DOCK1: variants seen among roughly 807,000 people sequenced by gnomAD.
The protein encoded by DOCK1 is dedicator of cytokinesis 1.
A neutral mutation model predicts 262.7 loss-of-function variants in DOCK1; 138 were observed. That is an observed-to-expected ratio of 0.53 (90% confidence interval 0.46 to 0.61). The LOEUF (loss-of-function observed/expected upper bound fraction) is 0.61, where lower values mean the gene tolerates loss of function less well. DOCK1 is among the 20% of genes least tolerant of loss of function. DOCK1 has a pLI of 0.00. For synonymous variants in DOCK1, 866 were observed against 867.4 expected, an observed-to-expected ratio of 1.00 and a Z score of 0.03; for missense variants, 1,908 against 2,370.7, an observed-to-expected ratio of 0.80 and a Z score of 4.05.
At chr10:127,386,441 C>G (rs1209446824) in intron 38 of DOCK1, among the ~76,000 whole-genome samples, 2 of 151,980 alleles carry the variant, frequency 1.3e-5, no homozygotes, top group African/African-American at 4.8e-5. Flanking sequence ...CAGCCGTTCC[C>G]CATCGCCCGC....
chr10:127,297,988 A>G (rs2061558978), intron 29 of DOCK1, among the ~76,000 whole-genome samples: 1 of 152,154 alleles, frequency 6.6e-6, no homozygotes. Flanking sequence ...AACAGTACCT[A>G]ATTAATCCCA....
At chr10:127,280,028 ATATATAAT>A (rs1260559152) in intron 29 of DOCK1, among the ~76,000 whole-genome samples, 118 of 141,620 alleles carry the variant, frequency 8.3e-4, no homozygotes, top group African/African-American at 2.9e-3. Flanking sequence ...ATATATATAT[ATATATAAT>A]TTTTTTTTTT....
chr10:127,002,673 TG>T (rs748746404), intron 10 of DOCK1, among the ~76,000 whole-genome samples: 1 of 152,226 alleles, frequency 6.6e-6, no homozygotes, highest in Non-Finnish European at 1.5e-5. Flanking sequence ...TCCTTGTTTC[TG>T]GAGCCCCTAC....
At chr10:127,019,025 GC>G in intron 13 of DOCK1, 190 bp downstream of exon 13, 1 of 875,162 alleles carries the variant, frequency 1.1e-6, no homozygotes, top group Non-Finnish European at 1.7e-6. Context: ...ATGCTCCCTG[GC>G]CCCCTGTACC....
At chr10:126,918,613 CA>C (rs1372571519) in intron 1 of DOCK1, among the ~76,000 whole-genome samples, 2 of 152,212 alleles carry the variant, frequency 1.3e-5, no homozygotes, top group Admixed American at 1.3e-4. Flanking sequence ...GTATGTTCTT[CA>C]GATGATTTGG....
chr10:127,000,865 CGCCATGTTGGTGCTCTTTATCT>C (rs1322272973), intron 10 of DOCK1: 5 of 154,092 alleles, frequency 3.2e-5, no homozygotes, highest in East Asian at 1.9e-4. Flanking sequence ...GCTCTTCCTC[CGCCATGTTGGTGCTCTTTATCT>C]GCCATGTTGG....
intron 38 of DOCK1, among the ~76,000 whole-genome samples, chr10:127,397,913 C>G (rs1231712943): frequency 6.6e-6 from 1 of 152,166 alleles, no homozygotes. Context: ...TGGGTCATGG[C>G]TCCTGGATGA....
At chr10:127,130,092 T>TCCC (rs2050227056) in intron 27 of DOCK1, among the ~76,000 whole-genome samples, 2 of 72,622 alleles carry the variant, frequency 2.8e-5, no homozygotes, top group Non-Finnish European at 6.2e-5. Flanking sequence ...TTTTTTTTTT[T>TCCC]TTTTCCCCTG....
intron 1 of DOCK1, among the ~76,000 whole-genome samples, chr10:126,968,758 C>A (rs1243796636): frequency 6.6e-6 from 1 of 152,168 alleles, no homozygotes; most frequent in African/African-American, 2.4e-5. Context: ...CGAATACGGT[C>A]ATGCTGAGCT....
intron 6 of DOCK1, among the ~76,000 whole-genome samples, chr10:126,994,798 A>T (rs1006659712): frequency 6.6e-6 from 1 of 152,178 alleles, no homozygotes; most frequent in African/African-American, 2.4e-5. Flanking sequence ...CAAAACCGCC[A>T]TCGTCATCAT....
intron 11 of DOCK1, among the ~76,000 whole-genome samples, chr10:127,010,939 AAAAC>A (rs1346275954): frequency 6.6e-6 from 1 of 152,198 alleles, no homozygotes; most frequent in Non-Finnish European, 1.5e-5. Context: ...GTCAAAAACA[AAAAC>A]AAAAACAAAA....
chr10:126,979,510 A>G (rs918781836), intron 3 of DOCK1, among the ~76,000 whole-genome samples: 1 of 152,152 alleles, frequency 6.6e-6, no homozygotes, highest in African/African-American at 2.4e-5. Flanking sequence ...CCTGGGCTGG[A>G]TGTGCCCCAG....
At chr10:127,433,208 A>C in intron 47 of DOCK1, 75 bp from the exon 48 acceptor site, 2 of 1,580,996 alleles carry the variant, frequency 1.3e-6, no homozygotes, top group Non-Finnish European at 1.7e-6. Flanking sequence ...AGCTAAGGCC[A>C]CTTTATCTCA....
At chr10:126,927,923 G>C (rs1041051215) in intron 1 of DOCK1, among the ~76,000 whole-genome samples, 2 of 152,088 alleles carry the variant, frequency 1.3e-5, no homozygotes, top group African/African-American at 4.8e-5. Context: ...GCGGAGAGGT[G>C]AGTGGTCTCA....
Position 127,379,998 on chromosome 10 carries a change from T to A in DOCK1, c.3676-84T>A, listed in dbSNP as rs192596352. The stretch of plus-strand genomic sequence containing the variant: ...CCATTTGGCTGTGTTTGACACAAGA[T>A]GAAGTATCTTGAATTTTTATTGTGC... On this transcript the variant is annotated intron_variant, in intron 35 of 51. Coordinates refer to ENST00000623213, the MANE Select transcript of DOCK1 (RefSeq NM_001290223.2). 665 of 940,718 alleles carry A rather than the reference T, an allele frequency of 7.1e-4. 11 individuals are homozygous for A. In the Admixed American group the frequency reaches 0.014, roughly 19 times the overall value. The allele number at this position is 940,718 out of a possible 1,614,324, so 58.3% of individuals were successfully genotyped here. A position where few individuals can be genotyped will look rare whatever the true frequency, so the allele number is the denominator to read the frequency against.
At chr10:126,990,705 A>G in intron 6 of DOCK1, 102 bp downstream of exon 6, 1 of 1,372,956 alleles carries the variant, frequency 7.3e-7, no homozygotes, top group Non-Finnish European at 9.7e-7. Context: ...ATAAAACAAA[A>G]TTTCTACCAT....
At chr10:127,144,369 A>G (rs1326446844) in intron 27 of DOCK1, among the ~76,000 whole-genome samples, 4 of 152,148 alleles carry the variant, frequency 2.6e-5, no homozygotes, top group Non-Finnish European at 4.4e-5. Context: ...CTAGGTTTCC[A>G]TGAGAGCCTG....
intron 23 of DOCK1, among the ~76,000 whole-genome samples, chr10:127,094,411 C>CT (rs1482214140): frequency 6.6e-6 from 1 of 152,124 alleles, no homozygotes; most frequent in Non-Finnish European, 1.5e-5. Flanking sequence ...TTGAGCTCCA[C>CT]TCTGCATTCA....
intron 32 of DOCK1, among the ~76,000 whole-genome samples, chr10:127,357,436 T>C (rs1411058426): frequency 6.6e-6 from 1 of 152,148 alleles, no homozygotes; most frequent in Non-Finnish European, 1.5e-5. Flanking sequence ...GGCCTGGCCT[T>C]CTGAGGATAC....
Sources: gnomAD v4.1 joint callset for allele counts (sites outside exome capture counted in the v4.1 genomes callset) on GRCh38, gnomAD v4.1.1 for gene constraint, MANE v1.5 for transcripts, NCBI Gene and HGNC (gene_info 2026-07-23, HGNC 2026-07-21) for gene names.